FAM117B: variants seen among roughly 807,000 people sequenced by gnomAD.
FAM117B encodes the protein protein FAM117B.
In FAM117B, 22 loss-of-function variants were observed where a neutral mutation model predicts 52.8. The observed-to-expected ratio is 0.42, with a 90% CI of 0.30 to 0.59. The LOEUF (loss-of-function observed/expected upper bound fraction) is 0.59, where lower values mean the gene tolerates loss of function less well. Among genes scored for constraint, FAM117B ranks in the 20% least tolerant of loss-of-function variants. The pLI, the probability that FAM117B is intolerant of heterozygous loss-of-function variation, is 0.22. For synonymous variants in FAM117B, 309 were observed against 324.1 expected (o/e 0.95, Z 0.50); for missense variants, 678 against 802.6 (o/e 0.84, Z 1.88).
At chr2:202,706,377 A>T (rs1032743181) in intron 2 of FAM117B, among the ~76,000 whole-genome samples, 1 of 152,212 alleles carries the variant, frequency 6.6e-6, no homozygotes, top group Non-Finnish European at 1.5e-5. Flanking sequence ...CCTTGGCTTC[A>T]GAGTATTTTA....
chr2:202,674,019 C>G (rs564996138), intron 1 of FAM117B, among the ~76,000 whole-genome samples: 1 of 152,134 alleles, frequency 6.6e-6, no homozygotes, highest in East Asian at 1.9e-4. Context: ...AAATGTTCCT[C>G]CCTGCACCCC....
intron 1 of FAM117B, among the ~76,000 whole-genome samples, chr2:202,644,064 G>GT (rs1161026426): frequency 0.024 from 2,284 of 95,092 alleles, 69 homozygotes; most frequent in African/African-American, 0.046. Context: ...TTTTTTTTTT[G>GT]TTTTTTTTTT....
intron 7 of FAM117B, among the ~76,000 whole-genome samples, chr2:202,760,479 C>T (rs553472288): frequency 2.0e-5 from 3 of 152,258 alleles, no homozygotes; most frequent in African/African-American, 4.8e-5. Context: ...TCTTTGTCTT[C>T]GCCTTTCCTT....
intron 4 of FAM117B, among the ~76,000 whole-genome samples, chr2:202,754,439 C>A (rs538619062): frequency 5.3e-5 from 8 of 152,078 alleles, no homozygotes; most frequent in Admixed American, 5.2e-4. Flanking sequence ...CTATGGCACA[C>A]GTGTACCTTT....
At chr2:202,655,690 T>G (rs1690040977) in intron 1 of FAM117B, among the ~76,000 whole-genome samples, 1 of 123,894 alleles carries the variant, frequency 8.1e-6, no homozygotes, top group Non-Finnish European at 1.7e-5. Flanking sequence ...TGGCCTGGAG[T>G]GGGTGCGGGA....
intron 1 of FAM117B, among the ~76,000 whole-genome samples, chr2:202,662,991 T>A (rs1690153100): frequency 6.6e-6 from 1 of 152,192 alleles, no homozygotes; most frequent in Non-Finnish European, 1.5e-5. Flanking sequence ...AAATAAAAAA[T>A]TAAGAAATAA....
intron 2 of FAM117B, among the ~76,000 whole-genome samples, chr2:202,696,673 T>G (rs527276976): frequency 4.6e-5 from 7 of 152,328 alleles, no homozygotes; most frequent in African/African-American, 1.7e-4. Flanking sequence ...TGTATTACTT[T>G]GCTGATCCTA....
In FAM117B at chr2:202,766,476, T is replaced by C. The variant is rs1156869395; in HGVS notation, c.*712T>C. The C allele has an allele frequency of 6.6e-6, 1 of 152,636 alleles. No homozygotes were observed. The highest frequency in any genetic ancestry group is 1.5e-5 in the Non-Finnish European group (1 of 68,058). The allele number at this position is 152,636 out of a possible 1,614,324, so 9.5% of individuals were successfully genotyped here. Reference sequence around the variant, plus strand: ...TGATTTATGTTTTTGATGTCAAAAGTTTGTGCTTTGGGTGAAATATTTGTA... The same window carrying C: ...TGATTTATGTTTTTGATGTCAAAAGCTTGTGCTTTGGGTGAAATATTTGTA... On this transcript the variant is annotated 3_prime_UTR_variant, in exon 8 of 8. Transcript: ENST00000392238.
intron 5 of FAM117B, 55 bp downstream of exon 5, chr2:202,755,736 GCA>G (rs2105799297): frequency 6.6e-7 from 1 of 1,524,780 alleles, no homozygotes; most frequent in South Asian, 1.3e-5. Context: ...TATTAAAAAT[GCA>G]CAGTTTGGGT....
At chr2:202,659,912 C>T (rs1298991163) in intron 1 of FAM117B, among the ~76,000 whole-genome samples, 1 of 151,870 alleles carries the variant, frequency 6.6e-6, no homozygotes, top group Non-Finnish European at 1.5e-5. Flanking sequence ...AGCCACTGCG[C>T]CCGGCCACCA....
At chr2:202,760,946 A>T (rs1691877445) in intron 7 of FAM117B, among the ~76,000 whole-genome samples, 1 of 152,152 alleles carries the variant, frequency 6.6e-6, no homozygotes, top group South Asian at 2.1e-4. Context: ...TCACTCTGTC[A>T]CCCAGGCTGG....
intron 1 of FAM117B, among the ~76,000 whole-genome samples, chr2:202,652,604 GCTCTAT>G (rs1181736219): frequency 1.3e-5 from 2 of 152,144 alleles, no homozygotes; most frequent in African/African-American, 4.8e-5. Flanking sequence ...GCCGTATGTG[GCTCTAT>G]CTTGAGTCAG....
rs546933176 is a variant in FAM117B at position 202,650,702 on chromosome 2, G to C, written c.601+14914G>C. 6.6e-5 allele frequency among the ~76,000 whole-genome samples: 10 copies of C among 152,286 alleles called. No homozygotes were observed. In the South Asian group the frequency reaches 2.1e-3, roughly 32 times the overall value. ...GCCTGAGAGCGCCTGGCAATCCACT[G>C]GTGTAAATCCAAGAGTCCAAAAGCT... is the stretch of plus-strand genomic sequence containing the variant. On this transcript the variant is annotated intron_variant, in intron 1 of 7. Coordinates refer to ENST00000392238, the MANE Select transcript of FAM117B (RefSeq NM_173511.4).
chr2:202,649,879 T>G (rs1689932517), intron 1 of FAM117B, among the ~76,000 whole-genome samples: 1 of 151,980 alleles, frequency 6.6e-6, no homozygotes, highest in African/African-American at 2.4e-5. Flanking sequence ...TGTTTGTTTA[T>G]TTTTTGAGAT....
chr2:202,730,935 C>T (rs1691334308), intron 4 of FAM117B, among the ~76,000 whole-genome samples: 1 of 152,100 alleles, frequency 6.6e-6, no homozygotes, highest in African/African-American at 2.4e-5. Flanking sequence ...ATTCTAAGGG[C>T]ATCATCAAGA....
At chr2:202,641,642 T>A (rs1383589488) in intron 1 of FAM117B, among the ~76,000 whole-genome samples, 27 of 29,500 alleles carry the variant, frequency 9.2e-4, no homozygotes, top group African/African-American at 5.7e-3. Flanking sequence ...TTTTATTTTC[T>A]TTTTTTTTTT....
chr2:202,718,819 C>T (rs1691102834), intron 2 of FAM117B, among the ~76,000 whole-genome samples: 2 of 152,132 alleles, frequency 1.3e-5, no homozygotes, highest in African/African-American at 4.8e-5. Context: ...GTAGTATCTC[C>T]TCATTCCATA....
At chr2:202,648,652 A>G (rs1689908207) in intron 1 of FAM117B, among the ~76,000 whole-genome samples, 1 of 151,944 alleles carries the variant, frequency 6.6e-6, no homozygotes, top group South Asian at 2.1e-4. Context: ...AAACATTTAG[A>G]TCATTTCTAG....
At chr2:202,683,782 A>ATT (rs1253482389) in intron 1 of FAM117B, among the ~76,000 whole-genome samples, 1 of 152,198 alleles carries the variant, frequency 6.6e-6, no homozygotes, top group Non-Finnish European at 1.5e-5. Flanking sequence ...AATAGAAGAG[A>ATT]TAATACCGTA....
Sources: allele counts gnomAD v4.1 joint callset (sites outside exome capture counted in the v4.1 genomes callset), GRCh38; gene constraint gnomAD v4.1.1; transcripts MANE v1.5; gene names NCBI Gene and HGNC (gene_info 2026-07-23, HGNC 2026-07-21).